The following GRM5 variants were observed in gnomAD, a reference collection of about 807,000 sequenced individuals.
GRM5 encodes metabotropic glutamate receptor 5.
In GRM5, 19 loss-of-function variants were observed where a neutral mutation model predicts 83.1. That is an observed-to-expected ratio of 0.23 (90% confidence interval 0.16 to 0.34). The LOEUF is 0.34. Among genes scored for constraint, GRM5 ranks in the 10% least tolerant of loss-of-function variants. GRM5 has a pLI of 1.00. For synonymous variants in GRM5, 675 were observed against 633.6 expected (o/e 1.07, Z -0.98); for missense variants, 1,160 against 1,588.3 (o/e 0.73, Z 4.58).
intron 3 of GRM5, among the ~76,000 whole-genome samples, chr11:88,775,368 G>T (rs180693987): frequency 0.029 from 4,366 of 151,914 alleles, 213 homozygotes; most frequent in African/African-American, 0.1. Context: ...TATCAATTTT[G>T]TTGATCTTTT....
At chr11:89,053,206 T>G (rs559584428) in intron 1 of GRM5, among the ~76,000 whole-genome samples, 1 of 152,160 alleles carries the variant, frequency 6.6e-6, no homozygotes, top group Non-Finnish European at 1.5e-5. Context: ...AGGTACAGTG[T>G]GTAGGTTATC....
At chr11:88,531,218 A>G (rs1170088969) in intron 8 of GRM5, among the ~76,000 whole-genome samples, 1 of 152,100 alleles carries the variant, frequency 6.6e-6, no homozygotes, top group Non-Finnish European at 1.5e-5. Context: ...GAAGAATAAG[A>G]AACTTTACTT....
At chr11:88,791,787 C>G (rs4123849) in intron 3 of GRM5, among the ~76,000 whole-genome samples, 1 of 152,068 alleles carries the variant, frequency 6.6e-6, no homozygotes, top group East Asian at 1.9e-4. Context: ...GAAATCAATT[C>G]TAAATCATGT....
intron 2 of GRM5, among the ~76,000 whole-genome samples, chr11:88,888,633 T>C (rs570134902): frequency 1.3e-5 from 2 of 152,274 alleles, no homozygotes; most frequent in African/African-American, 4.8e-5. Context: ...AAAGTTTTTT[T>C]TTACTAGTTG....
At chr11:88,821,953 C>T (rs527293075) in intron 3 of GRM5, among the ~76,000 whole-genome samples, 8 of 152,072 alleles carry the variant, frequency 5.3e-5, no homozygotes, top group East Asian at 3.9e-4. Context: ...TATCATGAAG[C>T]GGCTTATGCT....
intron 3 of GRM5, among the ~76,000 whole-genome samples, chr11:88,683,261 G>T (rs1445083859): frequency 6.6e-6 from 1 of 152,136 alleles, no homozygotes; most frequent in African/African-American, 2.4e-5. Context: ...CCCCCATGGG[G>T]TATGGGTGTT....
chr11:88,654,121 G>T (rs1249190706), intron 3 of GRM5, among the ~76,000 whole-genome samples: 1 of 152,024 alleles, frequency 6.6e-6, no homozygotes, highest in Non-Finnish European at 1.5e-5. Context: ...GTGGTGAAGG[G>T]ATCATACTCC....
Position 88,599,335 on chromosome 11 carries a change from G to A in GRM5, c.1395-1983C>T, listed in dbSNP as rs554021477. On this transcript the variant is annotated intron_variant, in intron 5 of 9. Coordinates refer to ENST00000305447, the MANE Select transcript of GRM5 (RefSeq NM_001143831.3). ...CAATAAACTTGTTATAATTACATTA[G>A]AGACAATGAATCCTCTCTTTGGAAT... Among the ~76,000 whole-genome samples the A allele has an allele frequency of 4.6e-5, 7 of 152,290 alleles. No individual in the cohort carries two copies. The South Asian group carries it at 1.5e-3, about 32-fold the overall frequency.
At chr11:88,608,514 ATTTTT>A (rs35701224) in intron 4 of GRM5, among the ~76,000 whole-genome samples, 1 of 98,640 alleles carries the variant, frequency 1.0e-5, no homozygotes. Flanking sequence ...GAAAACAGGG[ATTTTT>A]TTTTTTTTTT....
intron 3 of GRM5, among the ~76,000 whole-genome samples, chr11:88,849,143 G>GTATATATA (rs148621029): frequency 4.8e-4 from 72 of 150,170 alleles, no homozygotes; most frequent in African/African-American, 1.7e-3. Context: ...TATCATATGT[G>GTATATATA]TATATATATA....
chr11:88,700,295 T>C (rs886448491), intron 3 of GRM5, among the ~76,000 whole-genome samples: 9 of 152,068 alleles, frequency 5.9e-5, no homozygotes, highest in Non-Finnish European at 8.8e-5. Context: ...CAAACAACCA[T>C]TTAATATTAG....
chr11:88,601,696 T>C (rs528490887), intron 5 of GRM5, among the ~76,000 whole-genome samples: 168 of 152,324 alleles, frequency 1.1e-3, no homozygotes, highest in Admixed American at 1.8e-3. Context: ...AGTCTAACAT[T>C]GGGTGTCCAC....
chr11:88,895,793 T>C (rs1945219858), intron 2 of GRM5, among the ~76,000 whole-genome samples: 1 of 151,970 alleles, frequency 6.6e-6, no homozygotes, highest in African/African-American at 2.4e-5. Context: ...GCCTCTCACA[T>C]CTATTATAGA....
chr11:88,658,198 T>C (rs1939814695), intron 3 of GRM5, among the ~76,000 whole-genome samples: 1 of 152,130 alleles, frequency 6.6e-6, no homozygotes, highest in African/African-American at 2.4e-5. Context: ...GCGCTTCTTA[T>C]GAGATGGAAC....
intron 3 of GRM5, among the ~76,000 whole-genome samples, chr11:88,664,333 G>T (rs200883258): frequency 3.1e-3 from 92 of 29,290 alleles, no homozygotes; most frequent in African/African-American, 4.5e-3. Flanking sequence ...AAAAAAAACT[G>T]GAAAAAAAAT....
At chr11:88,810,781 T>G (rs934774451) in intron 3 of GRM5, among the ~76,000 whole-genome samples, 4 of 152,132 alleles carry the variant, frequency 2.6e-5, no homozygotes. Context: ...CCAGGATCAT[T>G]GAATAAAAAA....
intron 2 of GRM5, among the ~76,000 whole-genome samples, chr11:88,966,900 T>G (rs1366383257): frequency 6.6e-6 from 1 of 152,148 alleles, no homozygotes; most frequent in Non-Finnish European, 1.5e-5. Flanking sequence ...ACATGAAGCA[T>G]AATCTTTAGC....
chr11:88,619,399 A>G (rs995954520), intron 4 of GRM5, among the ~76,000 whole-genome samples: 7 of 152,232 alleles, frequency 4.6e-5, no homozygotes, highest in African/African-American at 1.7e-4. Flanking sequence ...TCTCTTGATA[A>G]TTCAGAAGAT....
chr11:88,947,699 T>C (rs1176604343), intron 2 of GRM5, among the ~76,000 whole-genome samples: 1 of 152,128 alleles, frequency 6.6e-6, no homozygotes, highest in Non-Finnish European at 1.5e-5. Flanking sequence ...CTGGAAGAAA[T>C]AATCCACTTT....
Sources: allele counts gnomAD v4.1 joint callset (sites outside exome capture counted in the v4.1 genomes callset), GRCh38; gene constraint gnomAD v4.1.1; transcripts MANE v1.5; gene names NCBI Gene and HGNC (gene_info 2026-07-23, HGNC 2026-07-21).